Variants in LHFPL6 observed in about 807,000 individuals in gnomAD.
The protein encoded by LHFPL6 is LHFPL tetraspan subfamily member 6, also known as LHFPL tetraspan subfamily member 6 protein.
LHFPL6 carries 9 observed loss-of-function variants against 20.6 expected under a neutral mutation model. That is an observed-to-expected ratio of 0.44 (90% CI 0.26 to 0.76). LHFPL6 has a LOEUF of 0.76. Among genes scored for constraint, LHFPL6 ranks in the 30% least tolerant of loss-of-function variants. The pLI is 0.20. For synonymous variants in LHFPL6, 105 were observed against 98.7 expected (o/e 1.06, Z -0.38); for missense variants, 218 against 253.5 (o/e 0.86, Z 0.95).
chr13:39,476,617 T>C (rs1310891468), intron 2 of LHFPL6, among the ~76,000 whole-genome samples: 1 of 152,232 alleles, frequency 6.6e-6, no homozygotes, highest in Admixed American at 6.5e-5. Context: ...GCATTCTTAT[T>C]GCATTTCCTC....
chr13:39,509,435 C>T lies in LHFPL6; in HGVS notation c.385+91397G>A, dbSNP rs532871378. ...ATAGTTGGGGTTTGAGATTTAGGAA[C>T]ATACTACGGTTCAGATTAACTCTGG... On this transcript the variant is annotated intron_variant, in intron 2 of 3. Transcript: ENST00000379589. Among the ~76,000 whole-genome samples the T allele has an allele frequency of 2.4e-4, 37 of 152,084 alleles. 1 individual carries two copies. The South Asian group carries it at 7.7e-3, about 32-fold the overall frequency.
intron 2 of LHFPL6, among the ~76,000 whole-genome samples, chr13:39,425,869 C>T (rs1239161985): frequency 1.3e-5 from 2 of 152,108 alleles, no homozygotes; most frequent in Non-Finnish European, 2.9e-5. Flanking sequence ...ACTATGCTGC[C>T]CAGGCTGGTC....
At chr13:39,396,581 A>AT (rs1870847023) in intron 2 of LHFPL6, among the ~76,000 whole-genome samples, 1 of 152,034 alleles carries the variant, frequency 6.6e-6, no homozygotes, top group Non-Finnish European at 1.5e-5. Flanking sequence ...GGATTGCTTG[A>AT]GCCCAGGAGT....
chr13:39,499,716 G>C (rs768371217), intron 2 of LHFPL6, among the ~76,000 whole-genome samples: 15 of 152,222 alleles, frequency 9.9e-5, no homozygotes, highest in Admixed American at 3.9e-4. Flanking sequence ...CCCTGAGAAA[G>C]GAGCTGGCAC....
intron 2 of LHFPL6, among the ~76,000 whole-genome samples, chr13:39,427,548 T>C (rs1350290609): frequency 6.6e-6 from 1 of 152,244 alleles, no homozygotes; most frequent in African/African-American, 2.4e-5. Flanking sequence ...ATTTAATTTT[T>C]AAACTTCTAA....
intron 2 of LHFPL6, among the ~76,000 whole-genome samples, chr13:39,530,037 T>C (rs1432307689): frequency 1.3e-5 from 2 of 152,150 alleles, no homozygotes; most frequent in Non-Finnish European, 2.9e-5. Flanking sequence ...TTGTGCATAG[T>C]AGGTACTCAG....
chr13:39,532,261 A>G (rs1257038529), intron 2 of LHFPL6, among the ~76,000 whole-genome samples: 1 of 152,088 alleles, frequency 6.6e-6, no homozygotes, highest in Non-Finnish European at 1.5e-5. Flanking sequence ...AGTGGTTCCC[A>G]AGTGCCTACC....
intron 3 of LHFPL6, among the ~76,000 whole-genome samples, chr13:39,345,122 G>A (rs554100117): frequency 2.6e-5 from 4 of 152,276 alleles, no homozygotes; most frequent in East Asian, 1.9e-4. Context: ...CAGCAACCAT[G>A]TTCCTCCTTT....
chr13:39,439,643 T>C (rs754689568), intron 2 of LHFPL6, among the ~76,000 whole-genome samples: 1 of 152,142 alleles, frequency 6.6e-6, no homozygotes, highest in African/African-American at 2.4e-5. Flanking sequence ...GATTGGATCA[T>C]GGGGGCAGTT....
chr13:39,344,618 G>C (rs1869340431), intron 3 of LHFPL6, among the ~76,000 whole-genome samples: 1 of 152,156 alleles, frequency 6.6e-6, no homozygotes, highest in Non-Finnish European at 1.5e-5. Context: ...AAGATAAAGT[G>C]TCATTTAAAT....
chr13:39,593,746 T>A (rs1266948205), intron 2 of LHFPL6, among the ~76,000 whole-genome samples: 2 of 150,890 alleles, frequency 1.3e-5, no homozygotes, highest in African/African-American at 4.8e-5. Flanking sequence ...CAAAACAGCA[T>A]GGTACTGGTA....
intron 2 of LHFPL6, among the ~76,000 whole-genome samples, chr13:39,547,447 T>G (rs2138509173): frequency 6.6e-6 from 1 of 152,280 alleles, no homozygotes; most frequent in East Asian, 1.9e-4. Flanking sequence ...TGTTGTTGGC[T>G]GAGATCAGGG....
chr13:39,377,159 C>A (rs1024983872), intron 3 of LHFPL6, among the ~76,000 whole-genome samples: 12 of 152,260 alleles, frequency 7.9e-5, no homozygotes, highest in African/African-American at 2.6e-4. Context: ...TAGATCATAC[C>A]CTCTTTGTCC....
chr13:39,514,676 CCCAACCTGAGCACAGCT>C (rs370953294), intron 2 of LHFPL6, among the ~76,000 whole-genome samples: 3 of 152,192 alleles, frequency 2.0e-5, no homozygotes, highest in Non-Finnish European at 2.9e-5. Context: ...AGGTTACATC[CCCAACCTGAGCACAGCT>C]CCAAAAACAG....
chr13:39,488,941 T>G (rs1868817728), intron 2 of LHFPL6, among the ~76,000 whole-genome samples: 1 of 152,190 alleles, frequency 6.6e-6, no homozygotes. Flanking sequence ...TCAGAGGGTG[T>G]GGACATAAAT....
chr13:39,433,391 C>T (rs1352036555), intron 2 of LHFPL6, among the ~76,000 whole-genome samples: 1 of 152,172 alleles, frequency 6.6e-6, no homozygotes, highest in South Asian at 2.1e-4. Context: ...GATAGATGCA[C>T]ATGTGCAATT....
chr13:39,456,265 G>C (rs1872567422), intron 2 of LHFPL6, among the ~76,000 whole-genome samples: 1 of 152,174 alleles, frequency 6.6e-6, no homozygotes, highest in Non-Finnish European at 1.5e-5. Context: ...TCAGAGGATT[G>C]TTTAGAAAAT....
At chr13:39,554,080 CT>C (rs1285727058) in intron 2 of LHFPL6, among the ~76,000 whole-genome samples, 19 of 152,214 alleles carry the variant, frequency 1.2e-4, no homozygotes, top group Non-Finnish European at 2.2e-4. Context: ...CATTCTATAA[CT>C]TTCTTTTTAA....
At chr13:39,530,425 T>C (rs1870430547) in intron 2 of LHFPL6, among the ~76,000 whole-genome samples, 1 of 152,048 alleles carries the variant, frequency 6.6e-6, no homozygotes, top group African/African-American at 2.4e-5. Flanking sequence ...CTGCCTCTAC[T>C]TAAGGGCTTG....
Sources: gnomAD v4.1 joint callset for allele counts (sites outside exome capture counted in the v4.1 genomes callset) on GRCh38, gnomAD v4.1.1 for gene constraint, MANE v1.5 for transcripts, NCBI Gene and HGNC (gene_info 2026-07-23, HGNC 2026-07-21) for gene names.